Variants in PRH1 observed in about 807,000 individuals in gnomAD.
PRH1 encodes the protein salivary acidic proline-rich phosphoprotein 1/2.
PRH1 carries 7 observed loss-of-function variants against 7.9 expected under a neutral mutation model. The observed-to-expected ratio is 0.89, with a 90% CI of 0.50 to 1.67. The LOEUF is 1.67. Among genes scored for constraint, PRH1 ranks in the 40% most tolerant of loss-of-function variants. The probability of loss-of-function intolerance (pLI) is 0.00; values close to 1 mark genes in which losing one functional copy is unlikely to be tolerated. For synonymous variants in PRH1, 45 were observed against 80.8 expected (o/e 0.56, Z 2.38); for missense variants, 109 against 223.6 (o/e 0.49, Z 3.27).
chr12:11,059,518 TATC>T (rs994179501), intron 1 of PRH1, among the ~76,000 whole-genome samples: 29 of 152,260 alleles, frequency 1.9e-4, no homozygotes, highest in African/African-American at 7.0e-4. Context: ...AACTAGAAAA[TATC>T]ATAATACAAA....
chr12:10,966,908 G>T lies in PRH1; in HGVS notation c.-59+6747C>A, dbSNP rs145499374. ...AGGTGGGCAGATCAAGAGATCAGGG[G>T]ATCGAGACCATCCTGGCTAACACGG... On this transcript the variant is annotated intron_variant, in intron 2 of 3. Coordinates refer to the PRH1 transcript ENST00000539853. Among the ~76,000 whole-genome samples, 595 of 152,272 alleles carry T rather than the reference G, an allele frequency of 3.9e-3. 4 individuals carry two copies. The highest frequency in any genetic ancestry group is 0.014 in the African/African-American group (570 of 41,562).
intron 1 of PRH1, among the ~76,000 whole-genome samples, chr12:11,017,884 G>A (rs543068912): frequency 6.6e-6 from 1 of 152,052 alleles, no homozygotes; most frequent in African/African-American, 2.4e-5. Context: ...GGATTTTGGA[G>A]TCCAAAAATA....
intron 1 of PRH1, among the ~76,000 whole-genome samples, chr12:11,044,733 G>A (rs1428793193): frequency 1.3e-5 from 2 of 152,038 alleles, no homozygotes; most frequent in African/African-American, 4.8e-5. Context: ...TCAGAGAAAT[G>A]CAAACCAAAA....
intron 1 of PRH1, among the ~76,000 whole-genome samples, chr12:11,165,894 A>T (rs1355843589): frequency 6.6e-6 from 1 of 152,198 alleles, no homozygotes; most frequent in Non-Finnish European, 1.5e-5. Context: ...CTCTTTCTAC[A>T]CTTGTGTCCC....
chr12:11,024,057 G>T (rs1472525187), intron 1 of PRH1, among the ~76,000 whole-genome samples: 1 of 152,212 alleles, frequency 6.6e-6, no homozygotes, highest in Non-Finnish European at 1.5e-5. Context: ...TCAGAAATCT[G>T]TGGTTGGCAG....
chr12:11,131,737 C>T (rs1033205823), intron 1 of PRH1, among the ~76,000 whole-genome samples: 6 of 152,036 alleles, frequency 3.9e-5, no homozygotes, highest in African/African-American at 1.2e-4. Context: ...GTGGAATAGC[C>T]AAACTTTTCC....
intron 1 of PRH1, chr12:11,030,245 T>G: frequency 8.6e-7 from 1 of 1,160,836 alleles, no homozygotes; most frequent in Non-Finnish European, 1.2e-6. Flanking sequence ...ATATATATAT[T>G]TTTTTTTCTA....
At chr12:11,107,784 T>G (rs1945466473) in intron 1 of PRH1, among the ~76,000 whole-genome samples, 1 of 152,150 alleles carries the variant, frequency 6.6e-6, no homozygotes, top group Admixed American at 6.5e-5. Context: ...CTACTGCAAT[T>G]TGATAGGAAT....
chr12:11,169,649 A>G (rs1442687420), intron 1 of PRH1, among the ~76,000 whole-genome samples: 1 of 152,118 alleles, frequency 6.6e-6, no homozygotes, highest in Non-Finnish European at 1.5e-5. Flanking sequence ...GACTCCTGTG[A>G]CTCTGAATGG....
At chr12:10,937,127 C>T (rs1950300837) in intron 2 of PRH1, among the ~76,000 whole-genome samples, 1 of 151,910 alleles carries the variant, frequency 6.6e-6, no homozygotes, top group Admixed American at 6.6e-5. Context: ...GGATTATCTT[C>T]CCCTTTTGGA....
intron 1 of PRH1, among the ~76,000 whole-genome samples, chr12:10,996,089 G>A (rs1292763899): frequency 6.6e-6 from 1 of 151,828 alleles, no homozygotes; most frequent in Non-Finnish European, 1.5e-5. Context: ...GGCTGAGGCA[G>A]TGGATCACTT....
chr12:10,997,241 T>C, intron 1 of PRH1: 1 of 1,614,130 alleles, frequency 6.2e-7, no homozygotes, highest in Non-Finnish European at 8.5e-7. Flanking sequence ...TCCTTTGCCA[T>C]GGAGCTGCAT....
At chr12:11,133,180 A>G in intron 1 of PRH1, 1 of 1,353,230 alleles carries the variant, frequency 7.4e-7, no homozygotes, top group Admixed American at 3.1e-5. Flanking sequence ...AACTTTAGGT[A>G]AAAGACTTTT....
At chr12:10,891,953 T>C (rs886112147) in intron 2 of PRH1, 9 of 151,866 alleles carry the variant, frequency 5.9e-5, no homozygotes, top group African/African-American at 2.2e-4. Context: ...AAGAGAAGAG[T>C]CTTTATCTTT....
upstream of PRH1, among the ~76,000 whole-genome samples, chr12:10,885,239 A>G (rs1286353451): frequency 2.6e-5 from 4 of 152,194 alleles, no homozygotes; most frequent in Admixed American, 6.5e-5. Flanking sequence ...TTTACTCAGT[A>G]ATTATGTCAC....
At chr12:10,980,255 T>A (rs115053730) in intron 1 of PRH1, among the ~76,000 whole-genome samples, 2 of 152,288 alleles carry the variant, frequency 1.3e-5, no homozygotes, top group African/African-American at 4.8e-5. Flanking sequence ...AGACACTAAC[T>A]GTACCAAATG....
intron 1 of PRH1, among the ~76,000 whole-genome samples, chr12:11,045,565 A>T (rs1398748688): frequency 6.6e-6 from 1 of 152,184 alleles, no homozygotes; most frequent in Non-Finnish European, 1.5e-5. Context: ...TGTATCCACG[A>T]AACTTAAAAA....
At chr12:11,104,165 G>C (rs1265303239) in intron 1 of PRH1, among the ~76,000 whole-genome samples, 1 of 73,446 alleles carries the variant, frequency 1.4e-5, no homozygotes, top group Non-Finnish European at 2.7e-5. Flanking sequence ...GCACAGATAA[G>C]ATCCAAATGA....
chr12:11,075,831 G>C (rs1944265232), intron 1 of PRH1, among the ~76,000 whole-genome samples: 2 of 134,852 alleles, frequency 1.5e-5, no homozygotes, highest in South Asian at 2.2e-4. Flanking sequence ...TTTGTCAAGA[G>C]TTTCGTTTTC....
Sources: gnomAD v4.1 joint callset for allele counts (sites outside exome capture counted in the v4.1 genomes callset) on GRCh38, gnomAD v4.1.1 for gene constraint, MANE v1.5 for transcripts, NCBI Gene and HGNC (gene_info 2026-07-23, HGNC 2026-07-21) for gene names.